The following CALN1 variants were observed in gnomAD, a reference collection of about 807,000 sequenced individuals.
The protein encoded by CALN1 is calneuron 1, also known as calcium-binding protein 8.
A neutral mutation model predicts 30.6 loss-of-function variants in CALN1; 17 were observed. That is an observed-to-expected ratio of 0.56 (90% CI 0.38 to 0.83). CALN1 has a LOEUF of 0.83. Among genes scored for constraint, CALN1 ranks in the 40% least tolerant of loss-of-function variants. The probability of loss-of-function intolerance (pLI) is 0.00; values close to 1 mark genes in which losing one functional copy is unlikely to be tolerated. For synonymous variants in CALN1, 156 were observed against 131.4 expected (o/e 1.19, Z -1.28); for missense variants, 291 against 354.9 (o/e 0.82, Z 1.45).
chr7:71,928,158 T>C (rs978155064), intron 5 of CALN1, among the ~76,000 whole-genome samples: 13 of 152,194 alleles, frequency 8.5e-5, no homozygotes, highest in Admixed American at 7.2e-4. Flanking sequence ...ATCACCAATC[T>C]TTCTTGTGAG....
At chr7:72,347,681 C>A (rs983349674) in intron 2 of CALN1, among the ~76,000 whole-genome samples, 1 of 152,198 alleles carries the variant, frequency 6.6e-6, no homozygotes, top group Non-Finnish European at 1.5e-5. Context: ...GCTAGTACAA[C>A]TTACAATCAT....
At chr7:72,159,223 T>C (rs189365114) in intron 3 of CALN1, among the ~76,000 whole-genome samples, 63 of 152,338 alleles carry the variant, frequency 4.1e-4, no homozygotes, top group Non-Finnish European at 8.5e-4. Context: ...GGTTGGGTAT[T>C]CTGTTTATTG....
chr7:72,421,514 CTTTAT>C (rs1382298806), intron 1 of CALN1, among the ~76,000 whole-genome samples: 1 of 122,288 alleles, frequency 8.2e-6, no homozygotes, highest in Non-Finnish European at 1.7e-5. Flanking sequence ...GTCATTTTGT[CTTTAT>C]TTTATCTTAT....
chr7:72,148,264 TAAA>T (rs35780457), intron 3 of CALN1, among the ~76,000 whole-genome samples: 79 of 132,658 alleles, frequency 6.0e-4, no homozygotes, highest in Middle Eastern at 3.9e-3. Flanking sequence ...TGTGGTTGTT[TAAA>T]AAAAAAAAAA....
intron 2 of CALN1, among the ~76,000 whole-genome samples, chr7:72,306,662 AAG>A (rs1198865440): frequency 2.0e-5 from 3 of 152,130 alleles, no homozygotes; most frequent in Admixed American, 2.0e-4. Context: ...AAAAATAAAA[AAG>A]AAAATGTTTA....
intron 2 of CALN1, among the ~76,000 whole-genome samples, chr7:72,335,071 C>T (rs1226986123): frequency 6.6e-6 from 1 of 152,162 alleles, no homozygotes; most frequent in Non-Finnish European, 1.5e-5. Context: ...GACAGAACCA[C>T]AAGGCCGAGA....
At chr7:72,409,997 C>T (rs963265706) in intron 1 of CALN1, among the ~76,000 whole-genome samples, 3 of 152,176 alleles carry the variant, frequency 2.0e-5, no homozygotes, top group African/African-American at 7.2e-5. Flanking sequence ...CCACATTTAA[C>T]CCACAAAAAG....
At chr7:71,791,960 G>A (rs1283022353) in intron 6 of CALN1, among the ~76,000 whole-genome samples, 2 of 152,010 alleles carry the variant, frequency 1.3e-5, no homozygotes, top group Admixed American at 6.6e-5. Context: ...GCAGTGAGCC[G>A]AGATCGCGCC....
At chr7:72,332,228 G>A (rs1184659268) in intron 2 of CALN1, among the ~76,000 whole-genome samples, 1 of 152,170 alleles carries the variant, frequency 6.6e-6, no homozygotes, top group Non-Finnish European at 1.5e-5. Context: ...CCTAGGCAAT[G>A]TGTGCAAGGT....
intron 2 of CALN1, among the ~76,000 whole-genome samples, chr7:72,332,677 G>T (rs1294181311): frequency 2.0e-5 from 3 of 152,102 alleles, no homozygotes; most frequent in African/African-American, 7.2e-5. Flanking sequence ...GTTCTTCAGG[G>T]ATGTTCTTAA....
chr7:72,282,875 G>A (rs1450098435), intron 2 of CALN1, among the ~76,000 whole-genome samples: 1 of 152,018 alleles, frequency 6.6e-6, no homozygotes, highest in African/African-American at 2.4e-5. Flanking sequence ...ACAACATGGT[G>A]AAACCCCGTC....
chr7:72,441,584 C>T (rs562799015), intron 1 of CALN1, among the ~76,000 whole-genome samples: 401 of 120,284 alleles, frequency 3.3e-3, no homozygotes, highest in Middle Eastern at 5.6e-3. Context: ...AGCAACAGAG[C>T]GACACTCCGT....
intron 3 of CALN1, among the ~76,000 whole-genome samples, chr7:72,153,887 G>C (rs978275860): frequency 6.6e-6 from 1 of 152,124 alleles, no homozygotes; most frequent in Non-Finnish European, 1.5e-5. Flanking sequence ...TTGGTGGTTA[G>C]AATGATTTTT....
the CALN1 span, among the ~76,000 whole-genome samples, chr7:72,477,791 C>T: frequency 5.2e-3 from 796 of 152,268 alleles, 7 homozygotes; most frequent in African/African-American, 0.018. Flanking sequence ...AACTCCTAGC[C>T]TCAAGGGATC....
intron 2 of CALN1, among the ~76,000 whole-genome samples, chr7:72,291,783 T>C (rs370753743): frequency 6.6e-6 from 1 of 152,190 alleles, no homozygotes; most frequent in African/African-American, 2.4e-5. Context: ...CGGCTAATTT[T>C]TGTATTTTTG....
chr7:72,336,936 T>A, intron 2 of CALN1: 1 of 984,832 alleles, frequency 1.0e-6, no homozygotes, highest in Non-Finnish European at 1.2e-6. Flanking sequence ...CGCCGGGACC[T>A]GCACGAGCCC....
At chr7:72,066,563 C>T (rs1371554610) in intron 4 of CALN1, among the ~76,000 whole-genome samples, 2 of 151,992 alleles carry the variant, frequency 1.3e-5, no homozygotes, top group Non-Finnish European at 2.9e-5. Flanking sequence ...TGCTTTACAA[C>T]CAAATGCAAC....
chr7:71,895,541 T>G (rs943682043), intron 5 of CALN1, among the ~76,000 whole-genome samples: 4 of 152,224 alleles, frequency 2.6e-5, no homozygotes, highest in African/African-American at 9.6e-5. Flanking sequence ...GTATCACCTT[T>G]GGCTGGGCTG....
intron 4 of CALN1, among the ~76,000 whole-genome samples, chr7:72,060,624 G>T (rs769177041): frequency 3.3e-5 from 5 of 152,170 alleles, no homozygotes. Flanking sequence ...TGGAATGTGA[G>T]CCCCAATGTT....
Sources: gnomAD v4.1 joint callset for allele counts (sites outside exome capture counted in the v4.1 genomes callset) on GRCh38, gnomAD v4.1.1 for gene constraint, MANE v1.5 for transcripts, NCBI Gene and HGNC (gene_info 2026-07-23, HGNC 2026-07-21) for gene names.